The following BTAF1 variants were observed in gnomAD, a reference collection of about 807,000 sequenced individuals.
BTAF1 encodes TATA-binding protein-associated factor 172.
A neutral mutation model predicts 227.1 loss-of-function variants in BTAF1; 38 were observed. The observed-to-expected ratio is 0.17, with a 90% CI of 0.13 to 0.22. BTAF1 has a LOEUF of 0.22. Among genes scored for constraint, BTAF1 ranks in the 10% least tolerant of loss-of-function variants. The pLI, the probability that BTAF1 is intolerant of heterozygous loss-of-function variation, is 1.00. For synonymous variants in BTAF1, 742 were observed against 751.9 expected (o/e 0.99, Z 0.21); for missense variants, 1,598 against 2,204.0 (o/e 0.73, Z 5.51).
At chr10:91,953,962 G>T in intron 6 of BTAF1, 89 bp downstream of exon 6, 1 of 1,515,672 alleles carries the variant, frequency 6.6e-7, no homozygotes, top group Non-Finnish European at 9.0e-7. Context: ...ACATTCTGCT[G>T]ACATATTTAG....
At chr10:91,950,855 C>G (rs1215850673) in intron 4 of BTAF1, among the ~76,000 whole-genome samples, 1 of 123,620 alleles carries the variant, frequency 8.1e-6, no homozygotes, top group African/African-American at 3.3e-5. Flanking sequence ...TTTTTTGAGA[C>G]AGGGTCTCAC....
chr10:92,009,972 TTAAA>T (rs1445078525), intron 28 of BTAF1, among the ~76,000 whole-genome samples: 1 of 152,230 alleles, frequency 6.6e-6, no homozygotes, highest in African/African-American at 2.4e-5. Context: ...AATATTATTA[TTAAA>T]TAATGTTGTT....
At position 92,024,739 on chromosome 10, in the gene BTAF1, T is replaced by TGTTTTTTTTG; in HGVS notation, c.4864-17_4864-16insGTTTTTTTTG. The stretch of plus-strand genomic sequence containing the variant: ...TTATTGAACGCTTATGTAGTTTTTT[T>TGTTTTTTTTG]TTTTTTTCTTCCTAAGTTGCTGTTG... On this transcript the variant is annotated splice_polypyrimidine_tract_variant and intron_variant, in intron 34 of 37. Transcript: ENST00000265990. 3.8e-6 allele frequency: 6 copies of TGTTTTTTTTG among 1,566,784 alleles called. No homozygotes were observed. The East Asian group carries it at 1.1e-4, about 29-fold the overall frequency.
chr10:91,936,894 C>T (rs1453633919), intron 2 of BTAF1, among the ~76,000 whole-genome samples: 1 of 152,196 alleles, frequency 6.6e-6, no homozygotes, highest in Non-Finnish European at 1.5e-5. Flanking sequence ...CAGACCTCAG[C>T]ATATTGGCTA....
At chr10:91,973,675 C>T (rs538770435) in intron 14 of BTAF1, among the ~76,000 whole-genome samples, 12 of 151,570 alleles carry the variant, frequency 7.9e-5, no homozygotes, top group African/African-American at 2.4e-4. Flanking sequence ...GAGGCCGAGG[C>T]GGGCGGATCA....
intron 34 of BTAF1, among the ~76,000 whole-genome samples, 174 bp from the exon 35 acceptor site, chr10:92,024,582 C>G (rs1258739288): frequency 6.6e-6 from 1 of 152,072 alleles, no homozygotes; most frequent in Admixed American, 6.6e-5. Flanking sequence ...CTGAGCACCT[C>G]AAAAACTAGT....
intron 1 of BTAF1, among the ~76,000 whole-genome samples, chr10:91,927,242 G>A (rs1351206788): frequency 6.6e-6 from 1 of 151,578 alleles, no homozygotes; most frequent in South Asian, 2.1e-4. Flanking sequence ...GGGTTCAAAC[G>A]ATTCTCCTGC....
rs200418574 is a variant in BTAF1 at position 91,968,201 on chromosome 10, ATCCT to A, written c.1650+1452_1650+1455del. 5.0e-3 allele frequency among the ~76,000 whole-genome samples: 762 copies of A among 152,166 alleles called. 10 individuals are homozygous for A. The highest frequency in any genetic ancestry group is 0.017 in the African/African-American group (719 of 41,502). On this transcript the variant is annotated intron_variant, in intron 14 of 37. Transcript: ENST00000265990. ...AAAATCCCCTGTGTTCCACCTATTC[ATCCT>A]TCCTTCCCTGTCCCTCAACCCTTAA...
At chr10:91,935,855 G>A (rs1028922581) in intron 2 of BTAF1, 75 bp downstream of exon 2, 37 of 1,259,754 alleles carry the variant, frequency 2.9e-5, no homozygotes, top group Non-Finnish European at 3.9e-5. Context: ...CAAAAATAAA[G>A]GTAAACATCA....
At chr10:91,924,170 G>T in intron 1 of BTAF1, 80 bp downstream of exon 1, 2 of 1,554,642 alleles carry the variant, frequency 1.3e-6, no homozygotes, top group Admixed American at 2.0e-5. Flanking sequence ...CACTCCTAGA[G>T]AAGAGCGGTT....
chr10:92,027,848 T>C (rs1053664612), intron 37 of BTAF1, among the ~76,000 whole-genome samples: 4 of 152,160 alleles, frequency 2.6e-5, no homozygotes, highest in Middle Eastern at 3.2e-3. Context: ...ACCAATATAG[T>C]TGGATTTAAA....
chr10:91,971,548 C>G (rs141518647), intron 14 of BTAF1, among the ~76,000 whole-genome samples: 12 of 148,718 alleles, frequency 8.1e-5, no homozygotes, highest in African/African-American at 2.5e-4. Context: ...TCTTGGCTCC[C>G]TGCAACCGCT....
rs554797103 is a variant in BTAF1, at chr10:91,945,938, C to T, written c.400+3370C>T. On this transcript the variant is annotated intron_variant, in intron 4 of 37. Coordinates refer to ENST00000265990, the MANE Select transcript of BTAF1 (RefSeq NM_003972.3). ...GGTTCCAATTTCTCTACATCCTTGC[C>T]AACTCTTGTTATTTTCTGTTTTTTG... is the stretch of plus-strand genomic sequence containing the variant. Among the ~76,000 whole-genome samples the T allele has an allele frequency of 6.6e-5, 10 of 152,292 alleles. No homozygotes were observed. In the South Asian group the frequency reaches 1.4e-3, roughly 22 times the overall value.
intron 4 of BTAF1, among the ~76,000 whole-genome samples, chr10:91,943,206 C>T (rs534939644): frequency 3.4e-4 from 52 of 151,996 alleles, no homozygotes; most frequent in Non-Finnish European, 4.1e-4. Context: ...GCCAGCTACC[C>T]GTGAGGCTGA....
chr10:91,943,980 G>A (rs937803292), intron 4 of BTAF1, among the ~76,000 whole-genome samples: 1 of 152,162 alleles, frequency 6.6e-6, no homozygotes, highest in East Asian at 1.9e-4. Context: ...GTGAAACCCT[G>A]TCTGTACTAA....
intron 25 of BTAF1, among the ~76,000 whole-genome samples, chr10:92,006,396 T>A (rs550134899): frequency 6.6e-5 from 10 of 152,366 alleles, no homozygotes; most frequent in African/African-American, 2.4e-4. Context: ...TGTTTCATAC[T>A]CTCTTACATT....
intron 17 of BTAF1, 121 bp from the exon 18 acceptor site, chr10:91,982,466 T>C (rs753948149): frequency 4.1e-6 from 5 of 1,224,052 alleles, no homozygotes; most frequent in Admixed American, 2.7e-5. Flanking sequence ...GGAAAAGTTA[T>C]GGCTTCAAAA....
In BTAF1 at chr10:92,027,337, A is replaced by G. The variant is rs767518022; in HGVS notation, c.5406+37A>G. 38 of 1,553,248 alleles carry G rather than the reference A, an allele frequency of 2.4e-5. No individual in the cohort carries two copies. The South Asian group carries it at 4.4e-4, about 18-fold the overall frequency. On this transcript the variant is annotated intron_variant, in intron 37 of 37. Coordinates refer to ENST00000265990, the MANE Select transcript of BTAF1 (RefSeq NM_003972.3). ...ACACAATTTGTTGTATCTTTGAGTC[A>G]CAGGCTTCCTGTGACTGCTAAGTTG...
intron 30 of BTAF1, among the ~76,000 whole-genome samples, chr10:92,013,283 G>T (rs1850494746): frequency 6.6e-6 from 1 of 152,094 alleles, no homozygotes; most frequent in Non-Finnish European, 1.5e-5. Flanking sequence ...ATTCTAATAG[G>T]TTGTTGTTGT....
Sources: gnomAD v4.1 joint callset for allele counts (sites outside exome capture counted in the v4.1 genomes callset) on GRCh38, gnomAD v4.1.1 for gene constraint, MANE v1.5 for transcripts, NCBI Gene and HGNC (gene_info 2026-07-23, HGNC 2026-07-21) for gene names.